Variants in HMGCL observed in about 807,000 individuals in gnomAD.
HMGCL encodes the protein 3-hydroxy-3-methylglutaryl-CoA lyase, also known as hydroxymethylglutaryl-CoA lyase, mitochondrial.
Under a neutral mutation model 37.3 loss-of-function variants are expected in HMGCL, and 26 were observed. The ratio of observed to expected loss-of-function variants is 0.70; its 90% CI spans 0.51 to 0.97. HMGCL has a LOEUF of 0.97. Among genes scored for constraint, HMGCL ranks in the 50% least tolerant of loss-of-function variants. The probability of loss-of-function intolerance (pLI) is 0.00; values close to 1 mark genes in which losing one functional copy is unlikely to be tolerated. For missense variants in HMGCL, 379 were observed against 398.1 expected, an observed-to-expected ratio of 0.95 and a Z score of 0.41; for synonymous variants, 151 against 148.0, an observed-to-expected ratio of 1.02 and a Z score of -0.15.
At chr1:23,818,687 G>C (rs891310505) in intron 2 of HMGCL, among the ~76,000 whole-genome samples, 2 of 151,880 alleles carry the variant, frequency 1.3e-5, no homozygotes, top group Non-Finnish European at 2.9e-5. Context: ...GAGTAGATGG[G>C]ATTACACAAG....
rs1170417227 is a variant in HMGCL, at chr1:23,806,608, A to G, written c.750+1527T>C. ...CTTCTGAGTGAGGCCACTCTACAGA[A>G]AGGCCTGGCACTGCCTTAACCTGCT... On this transcript the variant is annotated intron_variant, in intron 7 of 8. Transcript: ENST00000374490. The surrounding 1 kb of genome is among the most constrained non-coding windows in gnomAD (Gnocchi z 4.0). 1.3e-5 allele frequency: 3 copies of G among 228,202 alleles called. No homozygotes were observed. Among genetic ancestry groups the G allele is most frequent in the Non-Finnish European group, 2.7e-5 (3 of 112,648 alleles). The allele number at this position is 228,202 out of a possible 1,614,324, so 14.1% of individuals were successfully genotyped here.
At chr1:23,813,092 G>T (rs889195136) in intron 5 of HMGCL, among the ~76,000 whole-genome samples, 2 of 151,932 alleles carry the variant, frequency 1.3e-5, no homozygotes, top group African/African-American at 4.8e-5. Context: ...GTTTCCCCAT[G>T]TTGGCCAGGC....
intron 1 of HMGCL, among the ~76,000 whole-genome samples, chr1:23,822,867 T>C (rs1289853708): frequency 1.3e-5 from 2 of 152,182 alleles, no homozygotes. Flanking sequence ...AGTTGAGTGT[T>C]GCTGAAATAA....
intron 1 of HMGCL, among the ~76,000 whole-genome samples, chr1:23,822,267 A>T (rs1638735642): frequency 6.6e-6 from 1 of 152,128 alleles, no homozygotes; most frequent in African/African-American, 2.4e-5. Context: ...TTACAGTCAT[A>T]GGCTGGGTGA....
Position 23,806,751 on chromosome 1 carries a change from C to T in HMGCL, c.750+1384G>A. The T allele has an allele frequency of 2.8e-6, 1 of 356,488 alleles. No homozygotes were observed. Among genetic ancestry groups the T allele is most frequent in the East Asian group, 7.4e-5 (1 of 13,598 alleles). 22.1% of individuals were successfully genotyped at this position (356,488 alleles called of 1,614,324 possible). The stretch of plus-strand genomic sequence containing the variant: ...GAGGGCAGAGACTCTGTTTTGGTCA[C>T]AGCTGAATCCTTAATGCTGAGAACA... On this transcript the variant is annotated intron_variant, in intron 7 of 8. Coordinates refer to ENST00000374490, the MANE Select transcript of HMGCL (RefSeq NM_000191.3). The surrounding 1 kb of genome is among the most constrained non-coding windows in gnomAD (Gnocchi z 4.0).
chr1:23,804,250 A>C (rs1185116300), intron 8 of HMGCL, 150 bp downstream of exon 8: 1 of 883,942 alleles, frequency 1.1e-6, no homozygotes, highest in Non-Finnish European at 1.8e-6. Flanking sequence ...TGCTGAGATT[A>C]CAGGCATGAG....
At chr1:23,818,149 C>T (rs536386738) in intron 2 of HMGCL, among the ~76,000 whole-genome samples, 10 of 152,282 alleles carry the variant, frequency 6.6e-5, no homozygotes, top group Admixed American at 1.3e-4. Flanking sequence ...TACAGGATTA[C>T]GCAAAAAATT....
At chr1:23,804,086 C>A in intron 8 of HMGCL, 1 of 358,758 alleles carries the variant, frequency 2.8e-6, no homozygotes. Flanking sequence ...GATCAAATAT[C>A]CATAATCCCC....
chr1:23,809,322 T>C (rs1413603974), intron 6 of HMGCL: 1 of 148,064 alleles, frequency 6.8e-6, no homozygotes, highest in Non-Finnish European at 1.5e-5. Flanking sequence ...CACTGCAAGC[T>C]CCGCCTCCCG....
chr1:23,814,544 T>C (rs1426450591), intron 4 of HMGCL, among the ~76,000 whole-genome samples: 1 of 152,120 alleles, frequency 6.6e-6, no homozygotes, highest in Non-Finnish European at 1.5e-5. Context: ...CTAATTTTTG[T>C]ATTTTTAGTA....
At position 23,810,757 on chromosome 1, in the gene HMGCL, G is replaced by C. The variant is rs2148420690; in HGVS notation, c.540C>G (p.Ile180Met). ...ACACCTCAGCTACTTTAGCTGGGGA[G>C]ATCTTCCCTTCATAAGGGCAGCCAA... is the stretch of plus-strand genomic sequence containing the variant. ...CALGCPYEGK[I>M]SPAKVAEVTK... The change falls in exon 6 of 9, where the codon ATC becomes ATG. Residue 180 changes from isoleucine (I) to methionine (M), a missense_variant. Transcript: ENST00000374490. 6.2e-7 allele frequency: 1 copy of C among 1,614,094 alleles called. No individual in the cohort carries two copies. The highest frequency in any genetic ancestry group is 1.7e-5 in the Admixed American group (1 of 60,012).
chr1:23,813,996 A>T (rs1638569528), intron 5 of HMGCL, 194 bp downstream of exon 5: 1 of 656,466 alleles, frequency 1.5e-6, no homozygotes, highest in Non-Finnish European at 2.7e-6. Flanking sequence ...AACTGACCCA[A>T]AATTCAGGTT....
At position 23,814,633 on chromosome 1, in the gene HMGCL, T is replaced by C. The variant is rs568418364; in HGVS notation, c.349-295A>G. Among the ~76,000 whole-genome samples, 3 of 152,294 alleles carry C rather than the reference T, an allele frequency of 2.0e-5. No homozygotes were observed. The East Asian group carries it at 5.8e-4, about 29-fold the overall frequency. ...ATCCACCCACCTCAGCCTCCCAAAG[T>C]GCTGAGATTACAGGTGTCAGCCATC... is the stretch of plus-strand genomic sequence containing the variant. On this transcript the variant is annotated intron_variant, in intron 4 of 8. Coordinates refer to ENST00000374490, the MANE Select transcript of HMGCL (RefSeq NM_000191.3).
At chr1:23,819,081 A>ATT (rs1355996649) in intron 2 of HMGCL, among the ~76,000 whole-genome samples, 3 of 150,110 alleles carry the variant, frequency 2.0e-5, no homozygotes, top group African/African-American at 7.3e-5. Flanking sequence ...TCAATATATG[A>ATT]TTCTTTCAGA....
intron 8 of HMGCL, 112 bp downstream of exon 8, chr1:23,804,288 C>T: frequency 1.5e-6 from 2 of 1,350,792 alleles, no homozygotes; most frequent in Admixed American, 3.5e-5. Flanking sequence ...CCCTTTCCCT[C>T]TTTACTCCTC....
chr1:23,802,121 A>T lies in HMGCL; in HGVS notation c.*342T>A. The stretch of plus-strand genomic sequence containing the variant: ...CCGTGTAGAGGGTGGCCAGGTGGCC[A>T]GCTCGCGGATTCCATCCAGAGAGGA... On this transcript the variant is annotated 3_prime_UTR_variant, in exon 9 of 9. Transcript: ENST00000374490. The T allele has an allele frequency of 1.8e-6, 1 of 556,878 alleles. No individual in the cohort carries two copies. The allele number at this position is 556,878 out of a possible 1,614,324, so 34.5% of individuals were successfully genotyped here. A position where few individuals can be genotyped will look rare whatever the true frequency, so the allele number is the denominator to read the frequency against.
chr1:23,822,357 T>A (rs1638737288), intron 1 of HMGCL, among the ~76,000 whole-genome samples: 1 of 152,222 alleles, frequency 6.6e-6, no homozygotes, highest in Non-Finnish European at 1.5e-5. Context: ...GTCTCCTCTA[T>A]ATAAAGTCAG....
intron 1 of HMGCL, among the ~76,000 whole-genome samples, chr1:23,823,382 C>T (rs1638757365): frequency 6.6e-6 from 1 of 151,170 alleles, no homozygotes; most frequent in Admixed American, 6.6e-5. Flanking sequence ...GAGATACAGT[C>T]TCATTCTGTC....
In HMGCL at chr1:23,802,326, G is replaced by C. The variant is rs946636323; in HGVS notation, c.*137C>G. On this transcript the variant is annotated 3_prime_UTR_variant, in exon 9 of 9. Transcript: ENST00000374490. Reference sequence around the variant, plus strand: ...CTGCCCTTCGCCTGCTTTCTGCCAGGAGAGACCTCTGTGTAGAGCTGGCTA... The same window carrying C: ...CTGCCCTTCGCCTGCTTTCTGCCAGCAGAGACCTCTGTGTAGAGCTGGCTA... 21 of 726,544 alleles carry C rather than the reference G, an allele frequency of 2.9e-5. No homozygotes were observed. The highest frequency in any genetic ancestry group is 4.0e-5 in the Non-Finnish European group (16 of 400,074). The allele number at this position is 726,544 out of a possible 1,614,324, so 45.0% of individuals were successfully genotyped here.
Sources: allele counts gnomAD v4.1 joint callset (sites outside exome capture counted in the v4.1 genomes callset), GRCh38; gene constraint gnomAD v4.1.1; non-coding constraint Gnocchi (gnomAD v3.1); transcripts MANE v1.5; gene names NCBI Gene and HGNC (gene_info 2026-07-23, HGNC 2026-07-21).